OSCAR: variants seen among roughly 807,000 people sequenced by gnomAD.
OSCAR encodes osteoclast-associated immunoglobulin-like receptor.
A neutral mutation model predicts 27.3 loss-of-function variants in OSCAR; 25 were observed. The observed-to-expected ratio is 0.92, with a 90% CI of 0.67 to 1.28. The LOEUF (loss-of-function observed/expected upper bound fraction) is 1.28. OSCAR is among the 50% of genes most tolerant of loss of function. The pLI is 0.00. For missense variants in OSCAR, 354 were observed against 355.1 expected (o/e 1.00, Z 0.03); for synonymous variants, 158 against 165.7 (o/e 0.95, Z 0.36).
At chr19:54,099,244 T>TTTTTTTTTTTTTTTTTGTTTTTG (rs1267618078) in intron 2 of OSCAR, among the ~76,000 whole-genome samples, 2 of 133,258 alleles carry the variant, frequency 1.5e-5, no homozygotes, top group Non-Finnish European at 3.2e-5. Flanking sequence ...TTTTTTTTTT[T>TTTTTTTTTTTTTTTTTGTTTTTG]TTTTTTTTTA....
At chr19:54,099,467 A>C in intron 2 of OSCAR, 1 of 986,540 alleles carries the variant, frequency 1.0e-6, no homozygotes, top group Non-Finnish European at 1.6e-6. Context: ...AGAGAAGGAA[A>C]TGGAGTCTTA....
intron 4 of OSCAR, 137 bp downstream of exon 4, chr19:54,095,735 G>A (rs1281201092): frequency 1.5e-6 from 2 of 1,372,520 alleles, no homozygotes; most frequent in East Asian, 2.5e-5. Flanking sequence ...GGGTCTGAGG[G>A]AGGAGGGGCT....
intron 2 of OSCAR, among the ~76,000 whole-genome samples, chr19:54,097,529 C>T (rs1354286878): frequency 2.0e-5 from 3 of 151,434 alleles, no homozygotes; most frequent in African/African-American, 7.3e-5. Flanking sequence ...AAGCAATCCT[C>T]CCACCTCGGC....
chr19:54,097,476 G>A (rs1168780262), intron 2 of OSCAR, among the ~76,000 whole-genome samples: 1 of 151,618 alleles, frequency 6.6e-6, no homozygotes, highest in Non-Finnish European at 1.5e-5. Context: ...GGGAGGGGGC[G>A]GTCTCCCTAT....
intron 3 of OSCAR, 128 bp downstream of exon 3, chr19:54,096,734 A>C: frequency 1.0e-6 from 1 of 997,952 alleles, no homozygotes; most frequent in Admixed American, 2.8e-5. Flanking sequence ...GTGTCTCTGT[A>C]TCTGTCTTTT....
chr19:54,095,171 G>T lies in OSCAR; in HGVS notation c.*50C>A, dbSNP rs977175108. The T allele has an allele frequency of 5.7e-6, 9 of 1,585,828 alleles. No homozygotes were observed. Among genetic ancestry groups the T allele is most frequent in the Non-Finnish European group, 7.7e-6 (9 of 1,165,654 alleles). ...AAGGACAGTCCAGCCCAGGGTCCCAGCTTCTCCGCCACTCAGGTTGGAAGT... is the reference window on the plus strand; with the variant it reads ...AAGGACAGTCCAGCCCAGGGTCCCATCTTCTCCGCCACTCAGGTTGGAAGT... On this transcript the variant is annotated 3_prime_UTR_variant, in exon 5 of 5. Transcript: ENST00000358375.
intron 1 of OSCAR, 77 bp downstream of exon 1, chr19:54,100,679 G>A: frequency 1.4e-6 from 2 of 1,441,908 alleles, no homozygotes; most frequent in Non-Finnish European, 1.9e-6. Flanking sequence ...CCCCTGCAGG[G>A]TGTCTGGGTC....
chr19:54,095,415 C>A, intron 4 of OSCAR, 58 bp from the exon 5 acceptor site: 1 of 1,520,708 alleles, frequency 6.6e-7, no homozygotes. Context: ...AGTCTGGGCC[C>A]TGAACTCCAG....
At chr19:54,100,060 C>T (rs2072967523) in intron 1 of OSCAR, among the ~76,000 whole-genome samples, 1 of 152,162 alleles carries the variant, frequency 6.6e-6, no homozygotes, top group Non-Finnish European at 1.5e-5. Flanking sequence ...GATCCACCCG[C>T]CTCGGCCTCC....
intron 4 of OSCAR, 114 bp downstream of exon 4, chr19:54,095,758 C>A: frequency 6.7e-7 from 1 of 1,491,114 alleles, no homozygotes; most frequent in Non-Finnish European, 9.1e-7. Context: ...AGGACTAGAC[C>A]CCTGGGTCTG....
chr19:54,095,848 C>A, intron 4 of OSCAR, 24 bp downstream of exon 4: 3 of 1,551,654 alleles, frequency 1.9e-6, no homozygotes, highest in Non-Finnish European at 2.6e-6. Flanking sequence ...GCGGAGGAGG[C>A]GGGCCGGGCC....
chr19:54,099,408 A>C (rs1339543528), intron 2 of OSCAR, among the ~76,000 whole-genome samples: 1 of 151,754 alleles, frequency 6.6e-6, no homozygotes, highest in Non-Finnish European at 1.5e-5. Flanking sequence ...TGCCAGGCTC[A>C]GGGTTTTGCA....
chr19:54,097,305 GA>G lies in OSCAR; in HGVS notation c.71-142del, dbSNP rs1271332297. 8.2e-6 allele frequency: 7 copies of G among 852,316 alleles called. No homozygotes were observed. The East Asian group carries it at 1.9e-4, about 23-fold the overall frequency. 52.8% of individuals were successfully genotyped at this position (852,316 alleles called of 1,614,324 possible). On this transcript the variant is annotated intron_variant, in intron 2 of 4. Transcript: ENST00000358375. ...AGTTTCCTGTTTGTAAAATCAGGGA[GA>G]GACTGGACTACAATCAAGCCTTGTT...
Position 54,095,059 on chromosome 19 carries a change from G to T in OSCAR, c.*162C>A, listed in dbSNP as rs2072554776. On this transcript the variant is annotated 3_prime_UTR_variant, in exon 5 of 5. Coordinates refer to ENST00000358375, the MANE Select transcript of OSCAR (RefSeq NM_133169.6). ...TCCTTTCAGCTACTCCTTGGGAAAG[G>T]CCTGGAAAGAAGCTACAGCACAGGG... 1.7e-6 allele frequency: 2 copies of T among 1,200,406 alleles called. No homozygotes were observed. The highest frequency in any genetic ancestry group is 5.7e-5 in the East Asian group (2 of 35,158). 74.4% of individuals were successfully genotyped at this position (1,200,406 alleles called of 1,614,324 possible).
Position 54,099,793 on chromosome 19 carries a change from G to A in OSCAR, c.38-13C>T. 1 of 1,602,174 alleles carries A rather than the reference G, an allele frequency of 6.2e-7. No individual in the cohort carries two copies. The highest frequency in any genetic ancestry group is 8.5e-7 in the Non-Finnish European group (1 of 1,176,432). On this transcript the variant is annotated splice_polypyrimidine_tract_variant and intron_variant, in intron 1 of 4. Transcript: ENST00000358375. Reference sequence around the variant, plus strand: ...TGACACAGAGGCCCTGTAGGAGGTTGAGGGACTAGTTTCTTTTTCCTTTTT... The same window carrying A: ...TGACACAGAGGCCCTGTAGGAGGTTAAGGGACTAGTTTCTTTTTCCTTTTT...
In OSCAR at chr19:54,095,275, C is replaced by T. The variant is rs1166580108; in HGVS notation, c.738G>A (p.Leu246=). ...TCTGACTGCGCCAGTCAAAAGTGAC[C>T]AGCGCGCCCAGGGAGATGAGGACCA... ...AGLVLISLGA[L]VTFDWRSQNR... is the part of the protein sequence containing the mutation. Residue 246 remains leucine, a synonymous_variant, in exon 5 of 5, where the codon CTG becomes CTA. Transcript: ENST00000358375. The T allele has an allele frequency of 2.5e-6, 4 of 1,603,814 alleles. No homozygotes were observed. The highest frequency in any genetic ancestry group is 2.2e-5 in the East Asian group (1 of 44,540).
At chr19:54,095,591 A>AGGGGCTGG in intron 4 of OSCAR, 1 of 1,158,102 alleles carries the variant, frequency 8.6e-7, no homozygotes, top group South Asian at 1.7e-5. Flanking sequence ...TCCAGGAAGG[A>AGGGGCTGG]GGGGCTGGGG....
intron 1 of OSCAR, among the ~76,000 whole-genome samples, chr19:54,100,171 A>G (rs2072976281): frequency 6.6e-6 from 1 of 152,174 alleles, no homozygotes. Context: ...TTGGTAACCC[A>G]GGAATCTGAG....
Position 54,097,133 on chromosome 19 carries a change from C to T in OSCAR, c.102G>A (p.Trp34Ter). The T allele has an allele frequency of 6.2e-7, 1 of 1,614,164 alleles. No homozygotes were observed. Among genetic ancestry groups the T allele is most frequent in the East Asian group, 2.2e-5 (1 of 44,890 alleles). Residue 34 changes from tryptophan (W) to a stop codon, truncating the protein, a stop_gained, in exon 3 of 5, where the codon TGG becomes TGA. Transcript: ENST00000358375. LOFTEE classifies it high-confidence loss of function. ...VPPASYHPKP[W>*]LGAQPATVVT... The stretch of plus-strand genomic sequence containing the variant: ...CAACTGTAGCCGGCTGAGCTCCCAG[C>T]CATGGCTTAGGGTGGTATGAAGCTG...
Sources: allele counts gnomAD v4.1 joint callset (sites outside exome capture counted in the v4.1 genomes callset), GRCh38; gene constraint gnomAD v4.1.1; transcripts MANE v1.5; gene names NCBI Gene and HGNC (gene_info 2026-07-23, HGNC 2026-07-21).